EPHX4: variants seen among roughly 807,000 people sequenced by gnomAD.
EPHX4 encodes epoxide hydrolase 4, also known as abhydrolase domain containing 7.
Under a neutral mutation model 44.9 loss-of-function variants are expected in EPHX4, and 31 were observed. That is an observed-to-expected ratio of 0.69 (90% CI 0.52 to 0.93). EPHX4 has a LOEUF of 0.93. Among genes scored for constraint, EPHX4 ranks in the 40% least tolerant of loss-of-function variants. The pLI, the probability that EPHX4 is intolerant of heterozygous loss-of-function variation, is 0.00. For missense variants in EPHX4, 373 were observed against 438.1 expected (o/e 0.85, Z 1.33); for synonymous variants, 151 against 159.7 (o/e 0.95, Z 0.41).
At position 92,063,431 on chromosome 1, in the gene EPHX4, A is replaced by T. The variant is rs941564542; in HGVS notation, c.*145A>T. 6 of 623,822 alleles carry T rather than the reference A, an allele frequency of 9.6e-6. No individual in the cohort carries two copies. The highest frequency in any genetic ancestry group is 1.6e-5 in the Non-Finnish European group (6 of 378,248). 38.6% of individuals were successfully genotyped at this position (623,822 alleles called of 1,614,324 possible). On this transcript the variant is annotated 3_prime_UTR_variant, in exon 7 of 7. Transcript: ENST00000370383. ...TAAATATCCTGACAAATGGTATTGA[A>T]AAAAATCTGAGATCATGTGAACATA...
chr1:92,054,147 C>T (rs1311574524), intron 6 of EPHX4, among the ~76,000 whole-genome samples: 1 of 152,136 alleles, frequency 6.6e-6, no homozygotes, highest in African/African-American at 2.4e-5. Context: ...CTGGAATTCT[C>T]AGGGCAGAAA....
intron 6 of EPHX4, among the ~76,000 whole-genome samples, chr1:92,056,297 C>T (rs1224118233): frequency 6.6e-6 from 1 of 152,096 alleles, no homozygotes; most frequent in African/African-American, 2.4e-5. Flanking sequence ...TTACCCTAAG[C>T]CTCCTTGGGA....
At chr1:92,041,909 T>C (rs980737605) in intron 2 of EPHX4, among the ~76,000 whole-genome samples, 2 of 151,878 alleles carry the variant, frequency 1.3e-5, no homozygotes, top group South Asian at 2.1e-4. Flanking sequence ...ATTAGCCAGG[T>C]GTGGTGGCAC....
At chr1:92,040,804 C>A (rs1688498834) in intron 2 of EPHX4, among the ~76,000 whole-genome samples, 1 of 152,074 alleles carries the variant, frequency 6.6e-6, no homozygotes, top group African/African-American at 2.4e-5. Context: ...CTTCACATCG[C>A]AGCCCCCCTC....
intron 6 of EPHX4, among the ~76,000 whole-genome samples, chr1:92,059,301 G>A (rs1647439142): frequency 6.6e-6 from 1 of 152,076 alleles, no homozygotes; most frequent in South Asian, 2.1e-4. Flanking sequence ...GCTGGTTGTG[G>A]TGATGGGCGC....
intron 1 of EPHX4, 116 bp from the exon 2 acceptor site, chr1:92,032,389 C>A: frequency 1.4e-6 from 1 of 724,744 alleles, no homozygotes; most frequent in Non-Finnish European, 2.4e-6. Flanking sequence ...ATTGTAAATA[C>A]ACAAATGTTT....
At chr1:92,041,053 T>C (rs1378221181) in intron 2 of EPHX4, among the ~76,000 whole-genome samples, 1 of 152,132 alleles carries the variant, frequency 6.6e-6, no homozygotes, top group Non-Finnish European at 1.5e-5. Context: ...TGTCTTTTTT[T>C]TCTGTTGGTT....
At chr1:92,032,729 T>A in intron 2 of EPHX4, 139 bp downstream of exon 2, 1 of 748,006 alleles carries the variant, frequency 1.3e-6, no homozygotes, top group East Asian at 2.8e-5. Flanking sequence ...TTCTGGAGGC[T>A]GGGAAGTTCA....
intron 2 of EPHX4, among the ~76,000 whole-genome samples, chr1:92,033,947 T>C (rs1431426738): frequency 6.6e-6 from 1 of 151,346 alleles, no homozygotes; most frequent in Non-Finnish European, 1.5e-5. Flanking sequence ...CTGTTCTCTA[T>C]TGACCCCACT....
At chr1:92,056,311 T>C (rs560712576) in intron 6 of EPHX4, among the ~76,000 whole-genome samples, 85 of 152,310 alleles carry the variant, frequency 5.6e-4, no homozygotes, top group African/African-American at 1.9e-3. Flanking sequence ...CTTGGGACTA[T>C]GTCCTCATCC....
rs562388088 is a variant in EPHX4, at chr1:92,032,489, T to C, written c.232-16T>C. ...CAACACAAACATCACTAAAATTCCA[T>C]GCCCTCTACTTTCAGGATTCAGGGT... On this transcript the variant is annotated splice_polypyrimidine_tract_variant and intron_variant, in intron 1 of 6. Transcript: ENST00000370383. 4 of 1,602,838 alleles carry C rather than the reference T, an allele frequency of 2.5e-6. No individual in the cohort carries two copies. The highest frequency in any genetic ancestry group is 1.7e-5 in the Admixed American group (1 of 59,894).
chr1:92,038,943 G>A (rs1480439008), intron 2 of EPHX4, among the ~76,000 whole-genome samples: 3 of 152,008 alleles, frequency 2.0e-5, no homozygotes, highest in African/African-American at 7.3e-5. Flanking sequence ...AATTAACCTT[G>A]CTTTCCCTCC....
Position 92,033,101 on chromosome 1 carries a change from G to A in EPHX4, c.317+511G>A, listed in dbSNP as rs534404090. ...CCTAGCTTTTTTTTTTTTTTTTGGA[G>A]GTGGGATCTTGCTATATTGCCTAGG... On this transcript the variant is annotated intron_variant, in intron 2 of 6. Coordinates refer to ENST00000370383, the MANE Select transcript of EPHX4 (RefSeq NM_173567.5). Among the ~76,000 whole-genome samples, 491 of 145,988 alleles carry A rather than the reference G, an allele frequency of 3.4e-3. 2 individuals carry two copies. The highest frequency in any genetic ancestry group is 6.2e-3 in the Admixed American group (91 of 14,652).
chr1:92,053,277 C>G (rs1329724311), intron 6 of EPHX4, among the ~76,000 whole-genome samples: 1 of 151,996 alleles, frequency 6.6e-6, no homozygotes, highest in Non-Finnish European at 1.5e-5. Context: ...GTACCAAAGC[C>G]CTGTGGGAAG....
chr1:92,057,106 A>G (rs1303556766), intron 6 of EPHX4, among the ~76,000 whole-genome samples: 1 of 152,134 alleles, frequency 6.6e-6, no homozygotes, highest in Non-Finnish European at 1.5e-5. Context: ...AATCAGTGAG[A>G]TAAGAGTTCA....
chr1:92,050,364 T>G lies in EPHX4; in HGVS notation c.652T>G (p.Tyr218Asp). 1 of 1,606,590 alleles carries G rather than the reference T, an allele frequency of 6.2e-7. No individual in the cohort carries two copies. The highest frequency in any genetic ancestry group is 8.5e-7 in the Non-Finnish European group (1 of 1,176,926). Residue 218 changes from tyrosine to aspartate, a missense_variant, in exon 5 of 7, where the codon TAC (tyrosine) becomes GAC (aspartate). Transcript: ENST00000370383. Reference sequence around the variant, plus strand: ...TCAGCTGTTGAAATCCAGTTATTATTACTTCTTCCAAATACCATGGTTCCC... The same window carrying G: ...TCAGCTGTTGAAATCCAGTTATTATGACTTCTTCCAAATACCATGGTTCCC... Reference protein sequence around the residue: ...PAQLLKSSYYYFFQIPWFPEF... With the variant: ...PAQLLKSSYYDFFQIPWFPEF...
chr1:92,057,827 C>G (rs1647403399), intron 6 of EPHX4, among the ~76,000 whole-genome samples: 2 of 152,090 alleles, frequency 1.3e-5, no homozygotes, highest in South Asian at 4.2e-4. Flanking sequence ...CTCGGAACTC[C>G]TGACCTCAGG....
At chr1:92,034,791 A>C (rs1442037472) in intron 2 of EPHX4, among the ~76,000 whole-genome samples, 1 of 151,794 alleles carries the variant, frequency 6.6e-6, no homozygotes, top group African/African-American at 2.4e-5. Flanking sequence ...ACAAGTGCGC[A>C]CCACACCCAG....
intron 1 of EPHX4, among the ~76,000 whole-genome samples, 186 bp downstream of exon 1, chr1:92,030,496 G>GTGTGTGTGTGTGT (rs1688344627): frequency 2.0e-5 from 3 of 151,470 alleles, no homozygotes; most frequent in African/African-American, 7.3e-5. Flanking sequence ...GAGAGAGAGA[G>GTGTGTGTGTGTGT]AGAGAGAGAG....
Sources: allele counts gnomAD v4.1 joint callset (sites outside exome capture counted in the v4.1 genomes callset), GRCh38; gene constraint gnomAD v4.1.1; transcripts MANE v1.5; gene names NCBI Gene and HGNC (gene_info 2026-07-23, HGNC 2026-07-21).